TMEM117: variants seen among roughly 807,000 people sequenced by gnomAD.
TMEM117 encodes the protein transmembrane protein 117.
TMEM117 carries 27 observed loss-of-function variants against 52.4 expected under a neutral mutation model. That is an observed-to-expected ratio of 0.51 (90% CI 0.38 to 0.71). The LOEUF (loss-of-function observed/expected upper bound fraction) is 0.71. Ranked by LOEUF, TMEM117 falls within the 30% of genes least tolerant of loss-of-function variation. TMEM117 has a pLI of 0.00. For missense variants in TMEM117, 556 were observed against 630.5 expected (o/e 0.88, Z 1.26); for synonymous variants, 215 against 206.3 (o/e 1.04, Z -0.36).
intron 3 of TMEM117, among the ~76,000 whole-genome samples, chr12:44,060,595 C>A (rs1947124482): frequency 6.6e-6 from 1 of 152,128 alleles, no homozygotes; most frequent in Non-Finnish European, 1.5e-5. Context: ...AGTAATTTTA[C>A]TTGCTAGAAC....
intron 5 of TMEM117, among the ~76,000 whole-genome samples, chr12:44,233,413 A>AT (rs927433960): frequency 5.3e-5 from 8 of 150,122 alleles, no homozygotes; most frequent in African/African-American, 1.5e-4. Context: ...CTTTTTCTTA[A>AT]TTTTTTTTTG....
At chr12:44,269,578 C>A (rs934761985) in intron 5 of TMEM117, among the ~76,000 whole-genome samples, 1 of 151,756 alleles carries the variant, frequency 6.6e-6, no homozygotes, top group Admixed American at 6.6e-5. Flanking sequence ...TCCTCATCGT[C>A]TACATTTTTA....
At chr12:43,829,177 T>C in the TMEM117 span, among the ~76,000 whole-genome samples, 3 of 152,344 alleles carry the variant, frequency 2.0e-5, no homozygotes, top group East Asian at 5.8e-4. Context: ...CCTTCAATGT[T>C]TGCTTCAAAC....
intron 6 of TMEM117, among the ~76,000 whole-genome samples, chr12:44,314,151 G>A (rs914320622): frequency 6.6e-6 from 1 of 152,112 alleles, no homozygotes; most frequent in South Asian, 2.1e-4. Flanking sequence ...AATAGGGTTG[G>A]TAACAGGATC....
chr12:44,255,732 C>T (rs1334520056), intron 5 of TMEM117, among the ~76,000 whole-genome samples: 1 of 152,056 alleles, frequency 6.6e-6, no homozygotes, highest in Admixed American at 6.6e-5. Flanking sequence ...GAATAAAATA[C>T]AGCCAAAGAA....
intron 6 of TMEM117, among the ~76,000 whole-genome samples, chr12:44,312,830 G>A (rs1336970613): frequency 6.6e-6 from 1 of 152,066 alleles, no homozygotes; most frequent in African/African-American, 2.4e-5. Context: ...TCTCATTGTG[G>A]TTTTGATTTG....
intron 5 of TMEM117, among the ~76,000 whole-genome samples, chr12:44,239,537 C>T (rs1030209061): frequency 2.6e-5 from 4 of 152,024 alleles, no homozygotes; most frequent in Admixed American, 2.0e-4. Flanking sequence ...TGGTTCTTAG[C>T]GATCTCAATA....
At chr12:44,321,737 G>A (rs1489826727) in intron 6 of TMEM117, among the ~76,000 whole-genome samples, 1 of 152,076 alleles carries the variant, frequency 6.6e-6, no homozygotes, top group African/African-American at 2.4e-5. Context: ...TAAATCTTGA[G>A]CTCAGTCATA....
the TMEM117 span, among the ~76,000 whole-genome samples, chr12:43,799,697 G>A: frequency 6.6e-6 from 1 of 151,876 alleles, no homozygotes; most frequent in Non-Finnish European, 1.5e-5. Flanking sequence ...AGTACCCACT[G>A]TTCATTTTAT....
intron 3 of TMEM117, among the ~76,000 whole-genome samples, chr12:44,044,185 T>C (rs1946845848): frequency 6.6e-6 from 1 of 152,234 alleles, no homozygotes; most frequent in Non-Finnish European, 1.5e-5. Flanking sequence ...CCTGTGTCTT[T>C]GAAGAGCCCT....
At chr12:44,312,313 C>T (rs1182376608) in intron 6 of TMEM117, among the ~76,000 whole-genome samples, 1 of 152,048 alleles carries the variant, frequency 6.6e-6, no homozygotes, top group African/African-American at 2.4e-5. Flanking sequence ...TCTTTATGTT[C>T]ATATGTACCC....
At chr12:43,980,794 A>G (rs1945747840) in intron 3 of TMEM117, among the ~76,000 whole-genome samples, 1 of 152,156 alleles carries the variant, frequency 6.6e-6, no homozygotes, top group South Asian at 2.1e-4. Context: ...GACTGCTGGC[A>G]TTAGGGGCTG....
At chr12:44,227,974 A>G (rs1441268311) in intron 5 of TMEM117, among the ~76,000 whole-genome samples, 1 of 151,212 alleles carries the variant, frequency 6.6e-6, no homozygotes, top group Non-Finnish European at 1.5e-5. Flanking sequence ...GAGATCCAGA[A>G]AGTTTAATTG....
the TMEM117 span, among the ~76,000 whole-genome samples, chr12:43,822,543 G>A: frequency 6.6e-6 from 1 of 150,560 alleles, no homozygotes; most frequent in Non-Finnish European, 1.5e-5. Flanking sequence ...CATATGCCTA[G>A]GTGAAACTGG....
At chr12:44,261,174 A>T (rs1027926139) in intron 5 of TMEM117, among the ~76,000 whole-genome samples, 1 of 152,238 alleles carries the variant, frequency 6.6e-6, no homozygotes, top group Non-Finnish European at 1.5e-5. Context: ...GAAATTATTT[A>T]TGGAGCAATC....
intron 5 of TMEM117, among the ~76,000 whole-genome samples, chr12:44,229,084 T>C (rs1261914445): frequency 6.6e-6 from 1 of 151,850 alleles, no homozygotes; most frequent in Non-Finnish European, 1.5e-5. Context: ...TGAGGAGGAA[T>C]GGAAAGAGGC....
chr12:43,990,523 T>A (rs183626652), intron 3 of TMEM117, among the ~76,000 whole-genome samples: 200 of 152,260 alleles, frequency 1.3e-3, no homozygotes, highest in South Asian at 3.5e-3. Flanking sequence ...CGTAAAAGAT[T>A]TTTTATATAA....
rs11182435 is a variant in TMEM117 at position 44,195,077 on chromosome 12, C to G, written c.511-16213C>G. Among the ~76,000 whole-genome samples the G allele has an allele frequency of 9.3e-3, 1,420 of 152,254 alleles. 28 individuals are homozygous for G. Among genetic ancestry groups the G allele is most frequent in the African/African-American group, 0.032 (1,323 of 41,524 alleles). Reference sequence around the variant, plus strand: ...AACAAGACACATTTGATAGCTCACTCTTCTGTAGGTCAAGTCTATGTGGGC... The same window carrying G: ...AACAAGACACATTTGATAGCTCACTGTTCTGTAGGTCAAGTCTATGTGGGC... On this transcript the variant is annotated intron_variant, in intron 4 of 7. Transcript: ENST00000266534.
At chr12:44,327,120 G>T (rs1951206848) in intron 6 of TMEM117, among the ~76,000 whole-genome samples, 1 of 151,876 alleles carries the variant, frequency 6.6e-6, no homozygotes, top group African/African-American at 2.4e-5. Context: ...GGGCTACAAA[G>T]GTAATTAAAT....
Sources: gnomAD v4.1 joint callset for allele counts (sites outside exome capture counted in the v4.1 genomes callset) on GRCh38, gnomAD v4.1.1 for gene constraint, MANE v1.5 for transcripts, NCBI Gene and HGNC (gene_info 2026-07-23, HGNC 2026-07-21) for gene names.